Variants in IGSF10 observed in about 807,000 individuals in gnomAD.
The protein encoded by IGSF10 is immunoglobulin superfamily member 10, also known as calvaria mechanical force protein 608.
A neutral mutation model predicts 128.2 loss-of-function variants in IGSF10; 126 were observed. The ratio of observed to expected loss-of-function variants is 0.98; its 90% CI spans 0.85 to 1.14. The LOEUF is 1.14. Ranked by LOEUF, IGSF10 falls within the 50% of genes most tolerant of loss-of-function variation. IGSF10 has a pLI of 0.00. For synonymous variants in IGSF10, 1,185 were observed against 1,146.2 expected (o/e 1.03, Z -0.68); for missense variants, 3,295 against 3,149.8 (o/e 1.05, Z -1.10).
the IGSF10 span, among the ~76,000 whole-genome samples, chr3:151,580,881 A>C: frequency 6.6e-6 from 1 of 152,156 alleles, no homozygotes; most frequent in Admixed American, 6.5e-5. Flanking sequence ...AGTGCCCTTA[A>C]ATTTATGGTA....
At chr3:151,612,999 A>C in the IGSF10 span, among the ~76,000 whole-genome samples, 2 of 152,206 alleles carry the variant, frequency 1.3e-5, no homozygotes, top group African/African-American at 4.8e-5. Context: ...AAGTCTCAGG[A>C]TACAAAATCA....
chr3:151,475,493 G>C, the IGSF10 span, among the ~76,000 whole-genome samples: 3 of 152,198 alleles, frequency 2.0e-5, no homozygotes, highest in African/African-American at 7.2e-5. Context: ...ACCTAACTTA[G>C]GAGTATATGC....
At chr3:151,433,466 A>C (rs566449022), downstream of IGSF10, 1 of 152,774 alleles carries the variant, frequency 6.5e-6, no homozygotes, top group East Asian at 1.9e-4. Context: ...AACCTAAACC[A>C]AGGTTTCTTT....
At chr3:151,550,985 T>C in the IGSF10 span, among the ~76,000 whole-genome samples, 64 of 152,148 alleles carry the variant, frequency 4.2e-4, 2 homozygotes. Context: ...CTCCTTGTAA[T>C]GGACTTACCT....
At chr3:151,554,591 T>C in the IGSF10 span, among the ~76,000 whole-genome samples, 1 of 152,200 alleles carries the variant, frequency 6.6e-6, no homozygotes, top group African/African-American at 2.4e-5. Context: ...CATTTCTATA[T>C]TGCATCTGAA....
rs777336926 is a variant in IGSF10 at position 151,448,571 on chromosome 3, G to A, written c.1410C>T (p.His470=). 1 of 1,614,130 alleles carries A rather than the reference G, an allele frequency of 6.2e-7. No individual in the cohort carries two copies. The highest frequency in any genetic ancestry group is 8.5e-7 in the Non-Finnish European group (1 of 1,179,998). Residue 470 remains histidine (H), a synonymous_variant, in exon 6 of 8, where the codon CAC becomes CAT. Coordinates refer to ENST00000282466, the MANE Select transcript of IGSF10 (RefSeq NM_178822.5). ...TATCCCTTGAAATCATAGTCCATTT[G>A]TGTTTCACTGGCCTCATCTCTGCTC... is the stretch of plus-strand genomic sequence containing the variant. ...LPRAEMRPVK[H]KWTMISRDNN... is the part of the protein sequence containing the mutation.
At chr3:151,518,092 C>G in the IGSF10 span, among the ~76,000 whole-genome samples, 1 of 151,962 alleles carries the variant, frequency 6.6e-6, no homozygotes, top group Non-Finnish European at 1.5e-5. Context: ...TAGCTTAAAG[C>G]TGCCTACTTA....
the IGSF10 span, among the ~76,000 whole-genome samples, chr3:151,500,801 T>C: frequency 6.6e-6 from 1 of 152,104 alleles, no homozygotes; most frequent in African/African-American, 2.4e-5. Flanking sequence ...ATTTATGGGG[T>C]TGTTGTTGTC....
the IGSF10 span, among the ~76,000 whole-genome samples, chr3:151,549,679 T>C: frequency 6.6e-6 from 1 of 152,192 alleles, no homozygotes; most frequent in Admixed American, 6.5e-5. Context: ...TTGGTTGATA[T>C]GCTTTTTTAG....
the IGSF10 span, among the ~76,000 whole-genome samples, chr3:151,483,752 G>A: frequency 6.6e-6 from 1 of 152,182 alleles, no homozygotes; most frequent in Non-Finnish European, 1.5e-5. Context: ...ATTAGGGACT[G>A]TACCATGCAC....
the IGSF10 span, among the ~76,000 whole-genome samples, chr3:151,503,528 AAG>A: frequency 6.5e-4 from 99 of 152,296 alleles, no homozygotes; most frequent in South Asian, 0.012. Flanking sequence ...GGAGTAAACT[AAG>A]AGATATATTA....
downstream of IGSF10, chr3:151,432,879 T>G: frequency 1.9e-6 from 2 of 1,072,136 alleles, no homozygotes; most frequent in South Asian, 3.2e-5. Flanking sequence ...GCATTAGTCA[T>G]CTTAAAAATG....
chr3:151,453,783 TA>T lies in IGSF10; in HGVS notation c.325-10del, dbSNP rs755437201. 3.6e-5 allele frequency: 51 copies of T among 1,435,784 alleles called. No individual in the cohort carries two copies. Among genetic ancestry groups the T allele is most frequent in the Non-Finnish European group, 4.0e-5 (42 of 1,061,638 alleles). 88.9% of individuals were successfully genotyped at this position (1,435,784 alleles called of 1,614,324 possible). On this transcript the variant is annotated splice_polypyrimidine_tract_variant and intron_variant, in intron 4 of 7. Coordinates refer to ENST00000282466, the MANE Select transcript of IGSF10 (RefSeq NM_178822.5). ...TAGCTCATTTTTAAGACCTATGAAT[TA>T]AAAAAAAGAACATATTTATGTTGTC...
At chr3:151,555,805 G>GC in the IGSF10 span, among the ~76,000 whole-genome samples, 93 of 152,274 alleles carry the variant, frequency 6.1e-4, no homozygotes, top group African/African-American at 2.0e-3. Context: ...AGAGCACGCA[G>GC]CCCCCCATGT....
the IGSF10 span, among the ~76,000 whole-genome samples, chr3:151,588,889 A>C: frequency 1.3e-5 from 2 of 152,230 alleles, no homozygotes; most frequent in African/African-American, 4.8e-5. Context: ...GCATAGTCAA[A>C]ATAAAACAAG....
chr3:151,510,476 T>C, the IGSF10 span, among the ~76,000 whole-genome samples: 1 of 151,998 alleles, frequency 6.6e-6, no homozygotes, highest in East Asian at 1.9e-4. Context: ...TACGTCACCA[T>C]CAAAGACCAA....
chr3:151,606,943 C>T, the IGSF10 span, among the ~76,000 whole-genome samples: 1 of 152,216 alleles, frequency 6.6e-6, no homozygotes, highest in South Asian at 2.1e-4. Flanking sequence ...CACTTTTCCA[C>T]AGGGACAGTA....
chr3:151,562,180 CA>C, the IGSF10 span, among the ~76,000 whole-genome samples: 1 of 152,130 alleles, frequency 6.6e-6, no homozygotes, highest in Non-Finnish European at 1.5e-5. Context: ...CCACCAAAGC[CA>C]AGGTGGGAAT....
At chr3:151,451,029 T>C (rs1250743026) in intron 5 of IGSF10, among the ~76,000 whole-genome samples, 3 of 151,724 alleles carry the variant, frequency 2.0e-5, no homozygotes, top group Non-Finnish European at 4.4e-5. Flanking sequence ...AACCTCATCA[T>C]AGACTATGCT....
Sources: gnomAD v4.1 joint callset for allele counts (sites outside exome capture counted in the v4.1 genomes callset) on GRCh38, gnomAD v4.1.1 for gene constraint, MANE v1.5 for transcripts, NCBI Gene and HGNC (gene_info 2026-07-23, HGNC 2026-07-21) for gene names.